C9orf72: variants seen among roughly 807,000 people sequenced by gnomAD.
The protein encoded by C9orf72 is guanine nucleotide exchange factor C9orf72.
Under a neutral mutation model 51.6 loss-of-function variants are expected in C9orf72, and 44 were observed. The observed-to-expected ratio is 0.85, with a 90% confidence interval of 0.67 to 1.10. The LOEUF (loss-of-function observed/expected upper bound fraction) is 1.10, where lower values mean the gene tolerates loss of function less well. Ranked by LOEUF, C9orf72 falls within the 50% of genes least tolerant of loss-of-function variation. C9orf72 has a pLI of 0.00. For missense variants in C9orf72, 607 were observed against 570.6 expected (o/e 1.06, Z -0.65); for synonymous variants, 213 against 194.2 (o/e 1.10, Z -0.81).
At chr9:27,548,795 T>G in intron 9 of C9orf72, 129 bp from the exon 10 acceptor site, 1 of 587,686 alleles carries the variant, frequency 1.7e-6, no homozygotes, top group South Asian at 2.1e-5. Flanking sequence ...TTTCCACTGA[T>G]GCCCCCTAAC....
At chr9:27,561,192 T>C (rs1403040697) in intron 5 of C9orf72, 3 of 976,604 alleles carry the variant, frequency 3.1e-6, no homozygotes, top group Non-Finnish European at 3.7e-6. Context: ...AGTACTAAAC[T>C]CCACTGCTGG....
intron 5 of C9orf72, chr9:27,561,134 G>A: frequency 1.9e-6 from 1 of 513,606 alleles, no homozygotes; most frequent in Non-Finnish European, 2.5e-6. Flanking sequence ...TTGCCCACGG[G>A]TACACAGCAT....
chr9:27,559,006 G>A (rs1302416316), intron 6 of C9orf72: 3 of 153,748 alleles, frequency 2.0e-5, no homozygotes, highest in African/African-American at 7.2e-5. Context: ...CCAAAAAGAA[G>A]AGAATTAATT....
intron 1 of C9orf72, among the ~76,000 whole-genome samples, chr9:27,567,791 T>C (rs1258773919): frequency 1.3e-5 from 2 of 151,930 alleles, no homozygotes; most frequent in Non-Finnish European, 2.9e-5. Context: ...AGACAAATGG[T>C]AGACAGCCAT....
At chr9:27,569,888 T>A (rs939179476) in intron 1 of C9orf72, among the ~76,000 whole-genome samples, 1 of 152,248 alleles carries the variant, frequency 6.6e-6, no homozygotes, top group Non-Finnish European at 1.5e-5. Flanking sequence ...TAAACAATTT[T>A]ACTTAAAGAA....
At chr9:27,569,285 A>G (rs1003535426) in intron 1 of C9orf72, among the ~76,000 whole-genome samples, 2 of 152,228 alleles carry the variant, frequency 1.3e-5, no homozygotes, top group Admixed American at 6.5e-5. Flanking sequence ...GTGTAGCTTC[A>G]GCGTACTGTG....
intron 4 of C9orf72, 46 bp from the exon 5 acceptor site, chr9:27,561,695 G>T: frequency 8.2e-7 from 1 of 1,220,864 alleles, no homozygotes; most frequent in South Asian, 1.3e-5. Flanking sequence ...CTGTAACATA[G>T]TGTTGAAATA....
At chr9:27,549,599 T>A (rs1239787274) in intron 9 of C9orf72, among the ~76,000 whole-genome samples, 1 of 151,666 alleles carries the variant, frequency 6.6e-6, no homozygotes, top group Admixed American at 6.6e-5. Flanking sequence ...AATGTTATTA[T>A]AACAAACTGT....
rs952713285 is a variant in C9orf72, at chr9:27,547,345, T to C, written c.*891A>G. ...AATGATTGCCAAAGCAGGTACATGG[T>C]AAGACTTAGCAAGAAGAAAACAAGA... On this transcript the variant is annotated 3_prime_UTR_variant, in exon 11 of 11. Transcript: ENST00000380003. 10 of 152,654 alleles carry C rather than the reference T, an allele frequency of 6.6e-5. No individual in the cohort carries two copies. The highest frequency in any genetic ancestry group is 1.5e-4 in the Non-Finnish European group (10 of 68,034). The allele number at this position is 152,654 out of a possible 1,614,324, so 9.5% of individuals were successfully genotyped here.
At chr9:27,551,270 A>G (rs1820903065) in intron 8 of C9orf72, among the ~76,000 whole-genome samples, 1 of 152,224 alleles carries the variant, frequency 6.6e-6, no homozygotes, top group African/African-American at 2.4e-5. Context: ...AGAAAGTACT[A>G]CCTACCTTGG....
intron 7 of C9orf72, among the ~76,000 whole-genome samples, chr9:27,558,146 T>C (rs1336027077): frequency 6.6e-6 from 1 of 150,444 alleles, no homozygotes; most frequent in East Asian, 1.9e-4. Flanking sequence ...ATGTTTAAAA[T>C]TTTTTTTCAA....
rs1820806196 is a variant in C9orf72, at chr9:27,548,042, A to T, written c.*194T>A. The T allele has an allele frequency of 2.4e-6, 1 of 411,924 alleles. No individual in the cohort carries two copies. Among genetic ancestry groups the T allele is most frequent in the Non-Finnish European group, 4.3e-6 (1 of 232,816 alleles). 25.5% of individuals were successfully genotyped at this position (411,924 alleles called of 1,614,324 possible). A position where few individuals can be genotyped will look rare whatever the true frequency, so the allele number is the denominator to read the frequency against. ...GTATCCCAAAAGCATAAATCTAGGA[A>T]AAGAGACACCCAATGTAATGATGCA... is the stretch of plus-strand genomic sequence containing the variant. On this transcript the variant is annotated 3_prime_UTR_variant, in exon 11 of 11. Transcript: ENST00000380003.
In C9orf72 at chr9:27,566,794, T is replaced by A. The variant is rs764924843; in HGVS notation, c.327A>T (p.Thr109=). Residue 109 remains threonine (T), a synonymous_variant, in exon 2 of 11, where the codon ACA becomes ACT. Transcript: ENST00000380003. ...GTGGAAGTATAATTGATAGTCCATA[T>A]GTGCTGCGATCCCCATTCCAGTTTC... The part of the protein sequence containing the change: ...FDGNWNGDRS[T]YGLSIILPQT... 6 of 1,613,904 alleles carry A rather than the reference T, an allele frequency of 3.7e-6. No homozygotes were observed. In the Admixed American group the frequency reaches 5.0e-5, roughly 13 times the overall value.
intron 2 of C9orf72, among the ~76,000 whole-genome samples, 200 bp from the exon 3 acceptor site, chr9:27,565,790 AC>A (rs1437142483): frequency 6.6e-6 from 1 of 152,136 alleles, no homozygotes; most frequent in Non-Finnish European, 1.5e-5. Context: ...AATCAAAACA[AC>A]CTTTATTCTG....
At chr9:27,572,517 G>A (rs1269852334) in intron 1 of C9orf72, among the ~76,000 whole-genome samples, 2 of 150,388 alleles carry the variant, frequency 1.3e-5, no homozygotes, top group East Asian at 1.9e-4. Flanking sequence ...GACAGATTAC[G>A]TACCCTTGTT....
At chr9:27,550,222 C>T (rs1467821915) in intron 9 of C9orf72, among the ~76,000 whole-genome samples, 1 of 149,682 alleles carries the variant, frequency 6.7e-6, no homozygotes, top group Non-Finnish European at 1.5e-5. Flanking sequence ...ACTTGTACTA[C>T]ATATATAGTA....
At chr9:27,553,258 C>T (rs1019452151) in intron 8 of C9orf72, among the ~76,000 whole-genome samples, 3 of 151,978 alleles carry the variant, frequency 2.0e-5, no homozygotes, top group African/African-American at 7.2e-5. Context: ...CCCAAATAGC[C>T]AAAGCAATCC....
In C9orf72 at chr9:27,548,012, G is replaced by C. The variant is rs1333786274; in HGVS notation, c.*224C>G. ...TAATATTTATTATATTGTAAACATAGGTCTGTATCCCAAAAGCATAAATCT... is the reference window on the plus strand; with the variant it reads ...TAATATTTATTATATTGTAAACATACGTCTGTATCCCAAAAGCATAAATCT... On this transcript the variant is annotated 3_prime_UTR_variant, in exon 11 of 11. Transcript: ENST00000380003. 3 of 364,552 alleles carry C rather than the reference G, an allele frequency of 8.2e-6. No homozygotes were observed. Among genetic ancestry groups the C allele is most frequent in the Middle Eastern group, 7.2e-4 (1 of 1,394 alleles). The allele number at this position is 364,552 out of a possible 1,614,324, so 22.6% of individuals were successfully genotyped here.
rs377360930 is a variant in C9orf72 at position 27,569,509 on chromosome 9, CTATAG to C, written c.-44-2350_-44-2346del. ...ATATTTACCACTGTGTTACAACTGTCTATAGTATTCAGTACAGTAACAGTTGTACA... is the reference window on the plus strand; with the variant it reads ...ATATTTACCACTGTGTTACAACTGTCTATTCAGTACAGTAACAGTTGTACA... On this transcript the variant is annotated intron_variant, in intron 1 of 10. Coordinates refer to ENST00000380003, the MANE Select transcript of C9orf72 (RefSeq NM_018325.5). Among the ~76,000 whole-genome samples the C allele has an allele frequency of 5.8e-4, 89 of 152,300 alleles. 2 individuals carry two copies. In the East Asian group the frequency reaches 0.016, roughly 27 times the overall value.
Sources: gnomAD v4.1 joint callset for allele counts (sites outside exome capture counted in the v4.1 genomes callset) on GRCh38, gnomAD v4.1.1 for gene constraint, MANE v1.5 for transcripts, NCBI Gene and HGNC (gene_info 2026-07-23, HGNC 2026-07-21) for gene names.